The following RAB31 variants were observed in gnomAD, a reference collection of about 807,000 sequenced individuals.
The protein encoded by RAB31 is RAB31, member RAS oncogene family, also known as ras-related protein Rab-31.
In RAB31, 21 loss-of-function variants were observed where a neutral mutation model predicts 25.6. The observed-to-expected ratio is 0.82, with a 90% confidence interval of 0.58 to 1.18. The LOEUF (loss-of-function observed/expected upper bound fraction) is 1.18. Among genes scored for constraint, RAB31 ranks in the 50% most tolerant of loss-of-function variants. The probability of loss-of-function intolerance (pLI) is 0.00; values close to 1 mark genes in which losing one functional copy is unlikely to be tolerated. For synonymous variants in RAB31, 87 were observed against 84.0 expected (o/e 1.04, Z -0.20); for missense variants, 196 against 250.1 (o/e 0.78, Z 1.46).
intron 1 of RAB31, among the ~76,000 whole-genome samples, chr18:9,715,170 A>C (rs1252251423): frequency 1.3e-5 from 2 of 152,108 alleles, no homozygotes; most frequent in Non-Finnish European, 2.9e-5. Flanking sequence ...GTGGGAGTCA[A>C]ATACAGCGGG....
intron 3 of RAB31, among the ~76,000 whole-genome samples, chr18:9,812,831 G>A (rs1330944982): frequency 1.3e-5 from 2 of 151,390 alleles, no homozygotes; most frequent in Non-Finnish European, 2.9e-5. Context: ...CCAAGTAGCT[G>A]GGATTACAGG....
At chr18:9,716,089 G>C (rs1273136919) in intron 1 of RAB31, among the ~76,000 whole-genome samples, 1 of 152,156 alleles carries the variant, frequency 6.6e-6, no homozygotes, top group Non-Finnish European at 1.5e-5. Flanking sequence ...GGTCCAGTTA[G>C]AGATCATGTA....
chr18:9,848,109 T>C (rs745952319), intron 6 of RAB31, among the ~76,000 whole-genome samples: 3 of 152,252 alleles, frequency 2.0e-5, no homozygotes, highest in East Asian at 1.9e-4. Flanking sequence ...TGTTTTATTA[T>C]ACTTTGGTTG....
intron 2 of RAB31, among the ~76,000 whole-genome samples, chr18:9,782,095 G>A (rs542625049): frequency 6.6e-6 from 1 of 151,026 alleles, no homozygotes; most frequent in Non-Finnish European, 1.5e-5. Context: ...CCGCATGGGT[G>A]GCCAGGCCTC....
chr18:9,764,340 G>A (rs1376592602), intron 1 of RAB31, among the ~76,000 whole-genome samples: 2 of 152,148 alleles, frequency 1.3e-5, no homozygotes, highest in Non-Finnish European at 2.9e-5. Context: ...CTGCACGTAC[G>A]GTGAATCAGT....
At chr18:9,742,255 G>C (rs1049238488) in intron 1 of RAB31, among the ~76,000 whole-genome samples, 1 of 152,190 alleles carries the variant, frequency 6.6e-6, no homozygotes, top group Admixed American at 6.5e-5. Flanking sequence ...AGCAAGCAAG[G>C]GTTTCGAGGA....
intron 3 of RAB31, among the ~76,000 whole-genome samples, chr18:9,810,008 C>G (rs2068562697): frequency 6.6e-6 from 1 of 152,180 alleles, no homozygotes; most frequent in Non-Finnish European, 1.5e-5. Context: ...CAGGGACCTC[C>G]AGCAATTAGA....
chr18:9,709,757 G>C (rs993718353), intron 1 of RAB31, among the ~76,000 whole-genome samples: 1 of 152,208 alleles, frequency 6.6e-6, no homozygotes, highest in South Asian at 2.1e-4. Flanking sequence ...CTCAGCCACA[G>C]CCAGGATCTA....
intron 1 of RAB31, among the ~76,000 whole-genome samples, chr18:9,734,675 G>A (rs1175179224): frequency 2.0e-5 from 3 of 152,244 alleles, no homozygotes; most frequent in Admixed American, 1.3e-4. Context: ...GGAGCAGTGG[G>A]GTGGGGAAGG....
chr18:9,848,529 C>T (rs1364628390), intron 6 of RAB31, among the ~76,000 whole-genome samples: 1 of 152,220 alleles, frequency 6.6e-6, no homozygotes, highest in African/African-American at 2.4e-5. Flanking sequence ...AGCCTAATTG[C>T]AGGTTAATTT....
intron 2 of RAB31, among the ~76,000 whole-genome samples, chr18:9,777,023 TA>T (rs2068375511): frequency 6.6e-6 from 1 of 152,262 alleles, no homozygotes; most frequent in Admixed American, 6.5e-5. Context: ...TGGGTAAGTA[TA>T]ATGCAATTAT....
At chr18:9,781,835 G>C (rs2145494409) in intron 2 of RAB31, among the ~76,000 whole-genome samples, 1 of 152,334 alleles carries the variant, frequency 6.6e-6, no homozygotes, top group South Asian at 2.1e-4. Context: ...CCTGGAAGGT[G>C]GCATAAATGG....
At chr18:9,847,200 C>T (rs1223950506) in intron 6 of RAB31, among the ~76,000 whole-genome samples, 1 of 152,230 alleles carries the variant, frequency 6.6e-6, no homozygotes, top group African/African-American at 2.4e-5. Flanking sequence ...TCAGATTAAA[C>T]TCATTCTCTT....
chr18:9,777,341 A>G (rs1200498556), intron 2 of RAB31, among the ~76,000 whole-genome samples: 1 of 152,208 alleles, frequency 6.6e-6, no homozygotes, highest in Admixed American at 6.5e-5. Context: ...GTAAATAGAT[A>G]AATAAATAAA....
intron 1 of RAB31, among the ~76,000 whole-genome samples, chr18:9,740,276 G>A (rs1315535086): frequency 6.6e-6 from 1 of 152,142 alleles, no homozygotes; most frequent in Non-Finnish European, 1.5e-5. Context: ...TTCCTCTATA[G>A]GATGAATCAT....
At chr18:9,809,013 T>A (rs1267499529) in intron 3 of RAB31, among the ~76,000 whole-genome samples, 1 of 127,084 alleles carries the variant, frequency 7.9e-6, no homozygotes, top group African/African-American at 2.6e-5. Flanking sequence ...TTTCCTGGAA[T>A]AAGACTTTCC....
intron 1 of RAB31, among the ~76,000 whole-genome samples, chr18:9,709,465 G>C (rs1599005729): frequency 6.6e-6 from 1 of 152,196 alleles, no homozygotes; most frequent in African/African-American, 2.4e-5. Flanking sequence ...TCGCATTCTT[G>C]TGCGAACTGA....
chr18:9,777,505 G>A (rs549211350), intron 2 of RAB31, among the ~76,000 whole-genome samples: 11 of 152,208 alleles, frequency 7.2e-5, no homozygotes, highest in South Asian at 6.2e-4. Flanking sequence ...CAACATAGGC[G>A]CGCTTGTATG....
intron 1 of RAB31, among the ~76,000 whole-genome samples, chr18:9,727,015 G>GT (rs962241451): frequency 6.6e-5 from 10 of 152,042 alleles, no homozygotes; most frequent in South Asian, 2.1e-4. Context: ...TAGGATCTTT[G>GT]TTTTTTTTAG....
Sources: gnomAD v4.1 joint callset for allele counts (sites outside exome capture counted in the v4.1 genomes callset) on GRCh38, gnomAD v4.1.1 for gene constraint, MANE v1.5 for transcripts, NCBI Gene and HGNC (gene_info 2026-07-23, HGNC 2026-07-21) for gene names.